Variants in FRMPD2 observed in about 807,000 individuals in gnomAD.
FRMPD2 encodes FERM and PDZ domain-containing protein 2.
A neutral mutation model predicts 140.1 loss-of-function variants in FRMPD2; 96 were observed. The observed-to-expected ratio is 0.69, with a 90% CI of 0.58 to 0.81. The LOEUF (loss-of-function observed/expected upper bound fraction) is 0.81. Among genes scored for constraint, FRMPD2 ranks in the 40% least tolerant of loss-of-function variants. FRMPD2 has a pLI of 0.00. For missense variants in FRMPD2, 1,240 were observed against 1,447.4 expected (o/e 0.86, Z 2.32); for synonymous variants, 449 against 547.6 (o/e 0.82, Z 2.52).
In FRMPD2 at chr10:48,174,799, G is replaced by A. The variant is rs530414313; in HGVS notation, c.3075+71C>T. The A allele has an allele frequency of 3.9e-5, 32 of 815,644 alleles. No homozygotes were observed. The Middle Eastern group carries it at 2.8e-3, about 72-fold the overall frequency. 50.5% of individuals were successfully genotyped at this position (815,644 alleles called of 1,614,324 possible). On this transcript the variant is annotated intron_variant, in intron 24 of 28. Coordinates refer to ENST00000374201, the MANE Select transcript of FRMPD2 (RefSeq NM_001018071.4). Reference sequence around the variant, plus strand: ...GCCTGCCTCCCTCCCACCCAGAGGCGATTTCAGCTTCTGATGTTGTTCAGG... The same window carrying A: ...GCCTGCCTCCCTCCCACCCAGAGGCAATTTCAGCTTCTGATGTTGTTCAGG...
intron 2 of FRMPD2, 142 bp from the exon 3 acceptor site, chr10:48,249,320 T>C (rs1259624907): frequency 4.1e-6 from 3 of 730,414 alleles, no homozygotes; most frequent in South Asian, 4.3e-5. Flanking sequence ...TGGAACAGAA[T>C]AAATTCAACC....
At chr10:48,200,746 TC>T (rs1839066866) in intron 15 of FRMPD2, among the ~76,000 whole-genome samples, 2 of 152,232 alleles carry the variant, frequency 1.3e-5, no homozygotes, top group African/African-American at 2.4e-5. Flanking sequence ...TCACATATCA[TC>T]ATTGTCCAAA....
chr10:48,208,430 A>G (rs1839248639), intron 13 of FRMPD2, among the ~76,000 whole-genome samples: 1 of 152,214 alleles, frequency 6.6e-6, no homozygotes, highest in Admixed American at 6.5e-5. Flanking sequence ...CTCTCCCAGC[A>G]TGATTTCATT....
intron 12 of FRMPD2, among the ~76,000 whole-genome samples, chr10:48,218,010 A>G (rs1439434815): frequency 6.6e-6 from 1 of 152,226 alleles, no homozygotes; most frequent in Non-Finnish European, 1.5e-5. Flanking sequence ...GGGGACTGGA[A>G]GTCCAAGACC....
chr10:48,216,340 T>A (rs1839450352), intron 12 of FRMPD2, among the ~76,000 whole-genome samples: 2 of 151,910 alleles, frequency 1.3e-5, no homozygotes, highest in Admixed American at 1.3e-4. Flanking sequence ...GATAAATAGA[T>A]GGATATCTTA....
At chr10:48,220,734 A>G (rs921091484) in intron 12 of FRMPD2, among the ~76,000 whole-genome samples, 2 of 152,208 alleles carry the variant, frequency 1.3e-5, no homozygotes, top group African/African-American at 4.8e-5. Flanking sequence ...ACTCAAACAA[A>G]TCAGCAAGAA....
intron 5 of FRMPD2, 51 bp from the exon 6 acceptor site, chr10:48,240,543 T>C: frequency 6.2e-7 from 1 of 1,606,704 alleles, no homozygotes; most frequent in Non-Finnish European, 8.5e-7. Context: ...GGAGGGGGCG[T>C]TTTTATAGAT....
At chr10:48,269,898 T>C (rs1460763799) in intron 1 of FRMPD2, among the ~76,000 whole-genome samples, 1 of 152,164 alleles carries the variant, frequency 6.6e-6, no homozygotes, top group Non-Finnish European at 1.5e-5. Flanking sequence ...GGGAGAGGAC[T>C]CTGGTCTCAA....
At chr10:48,177,893 C>T in intron 22 of FRMPD2, 154 bp downstream of exon 22, 1 of 542,778 alleles carries the variant, frequency 1.8e-6, no homozygotes, top group East Asian at 3.3e-5. Flanking sequence ...CTGAACTCAT[C>T]CCCCAGTGCA....
chr10:48,181,880 G>GATATATATATATATATATATATTT (rs1391207926), intron 20 of FRMPD2, among the ~76,000 whole-genome samples: 2 of 23,938 alleles, frequency 8.4e-5, no homozygotes, highest in Admixed American at 4.3e-4. Context: ...TATATATATG[G>GATATATATATATATATATATATTT]CTCTCATACA....
chr10:48,170,694 T>C (rs2579716), intron 26 of FRMPD2, among the ~76,000 whole-genome samples: 36,894 of 137,708 alleles, frequency 0.27, 6,236 homozygotes, highest in Non-Finnish European at 0.38. Context: ...TTCAGCCCCA[T>C]GCCCACCTCC....
rs114430934 is a variant in FRMPD2 at position 48,227,973 on chromosome 10, C to T, written c.1168+4142G>A. 3.5e-3 allele frequency among the ~76,000 whole-genome samples: 530 copies of T among 151,838 alleles called. 3 individuals carry two copies. The highest frequency in any genetic ancestry group is 0.012 in the African/African-American group (500 of 41,388). On this transcript the variant is annotated intron_variant, in intron 10 of 28. Transcript: ENST00000374201. ...TCTATCTGGATTTATCAAGCAAAAG[C>T]GTATGTATGTTTAAGATGGTAAAAT...
chr10:48,188,109 G>T (rs1055520924), intron 16 of FRMPD2, among the ~76,000 whole-genome samples: 2 of 152,196 alleles, frequency 1.3e-5, no homozygotes, highest in African/African-American at 4.8e-5. Flanking sequence ...CTCCTGGACA[G>T]CCAAACATCT....
intron 7 of FRMPD2, among the ~76,000 whole-genome samples, chr10:48,238,575 G>C (rs985780049): frequency 3.3e-5 from 5 of 152,204 alleles, no homozygotes; most frequent in Non-Finnish European, 7.3e-5. Context: ...GCAGGAAAAA[G>C]TATTGCAAGA....
intron 17 of FRMPD2, among the ~76,000 whole-genome samples, 183 bp from the exon 18 acceptor site, chr10:48,185,828 A>G (rs1838671941): frequency 1.3e-5 from 2 of 152,208 alleles, no homozygotes; most frequent in Non-Finnish European, 2.9e-5. Context: ...ACCTGAACAC[A>G]CACTCACATG....
intron 1 of FRMPD2, among the ~76,000 whole-genome samples, chr10:48,270,136 G>A (rs999864523): frequency 5.9e-5 from 9 of 152,188 alleles, no homozygotes; most frequent in East Asian, 1.9e-4. Flanking sequence ...TAAAAGAAAC[G>A]GTGATTCCTT....
intron 14 of FRMPD2, among the ~76,000 whole-genome samples, chr10:48,204,333 C>T (rs1289436184): frequency 6.6e-6 from 1 of 152,110 alleles, no homozygotes; most frequent in Non-Finnish European, 1.5e-5. Context: ...TAGAATTTGT[C>T]AGGTTTCCTG....
intron 12 of FRMPD2, among the ~76,000 whole-genome samples, chr10:48,214,336 C>T (rs1839396582): frequency 6.6e-6 from 1 of 152,102 alleles, no homozygotes; most frequent in Admixed American, 6.5e-5. Flanking sequence ...TCAACAATAG[C>T]ATAATGGTAG....
chr10:48,166,527 C>G (rs1469765525), intron 27 of FRMPD2, among the ~76,000 whole-genome samples: 1 of 123,558 alleles, frequency 8.1e-6, no homozygotes, highest in African/African-American at 3.2e-5. Context: ...TCATGCTCCT[C>G]TGATCCCCAA....
Sources: allele counts gnomAD v4.1 joint callset (sites outside exome capture counted in the v4.1 genomes callset), GRCh38; gene constraint gnomAD v4.1.1; transcripts MANE v1.5; gene names NCBI Gene and HGNC (gene_info 2026-07-23, HGNC 2026-07-21).